The following CHRNA4 variants were observed in gnomAD, a reference collection of about 807,000 sequenced individuals.
CHRNA4 encodes cholinergic receptor nicotinic alpha 4 subunit, also known as neuronal acetylcholine receptor subunit alpha-4.
CHRNA4 carries 28 observed loss-of-function variants against 48.9 expected under a neutral mutation model. The observed-to-expected ratio is 0.57, with a 90% CI of 0.42 to 0.79. The LOEUF is 0.79. Ranked by LOEUF, CHRNA4 falls within the 30% of genes least tolerant of loss-of-function variation. The pLI, the probability that CHRNA4 is intolerant of heterozygous loss-of-function variation, is 0.00. For missense variants in CHRNA4, 859 were observed against 898.4 expected, an observed-to-expected ratio of 0.96 and a Z score of 0.56; for synonymous variants, 425 against 402.3, an observed-to-expected ratio of 1.06 and a Z score of -0.68.
intron 5 of CHRNA4, 94 bp downstream of exon 5, chr20:63,349,559 G>A: frequency 2.6e-6 from 4 of 1,522,428 alleles, no homozygotes; most frequent in Non-Finnish European, 3.6e-6. Flanking sequence ...CCTGAGGCCT[G>A]GGCCCGGCTC....
intron 2 of CHRNA4, among the ~76,000 whole-genome samples, chr20:63,358,951 C>T (rs2068759099): frequency 6.6e-6 from 1 of 150,950 alleles, no homozygotes; most frequent in Non-Finnish European, 1.5e-5. Context: ...TCCTATCCTG[C>T]CTTGGGGCTC....
chr20:63,356,461 T>C lies in CHRNA4; in HGVS notation c.229-46A>G. 5.1e-6 allele frequency: 8 copies of C among 1,557,222 alleles called. No individual in the cohort carries two copies. In the South Asian group the frequency reaches 9.4e-5, roughly 18 times the overall value. ...GGGGGCCAGTGACCCCTTGGTGTCTTTCTCTGGCCCTAGGTTTCCTCATCT... is the reference window on the plus strand; with the variant it reads ...GGGGGCCAGTGACCCCTTGGTGTCTCTCTCTGGCCCTAGGTTTCCTCATCT... On this transcript the variant is annotated intron_variant, in intron 2 of 5. Transcript: ENST00000370263.
intron 4 of CHRNA4, chr20:63,355,319 A>C: frequency 2.7e-6 from 1 of 370,908 alleles, no homozygotes; most frequent in South Asian, 2.1e-5. Context: ...AGGCACAGAA[A>C]ACCCGTTTCC....
At chr20:63,349,517 G>A (rs1317569265) in intron 5 of CHRNA4, 136 bp downstream of exon 5, 6 of 1,148,180 alleles carry the variant, frequency 5.2e-6, no homozygotes, top group Non-Finnish European at 7.7e-6. Context: ...TGCTGCAGCA[G>A]GGGCCACGCC....
At chr20:63,349,302 G>A (rs1313509929) in intron 5 of CHRNA4, among the ~76,000 whole-genome samples, 1 of 152,218 alleles carries the variant, frequency 6.6e-6, no homozygotes, top group Non-Finnish European at 1.5e-5. Context: ...CTGGGGACTT[G>A]GCCATTGCTG....
In CHRNA4 at chr20:63,349,882, A is replaced by G. The variant is rs750780084; in HGVS notation, c.1529T>C (p.Leu510Pro). The G allele has an allele frequency of 6.3e-7, 1 of 1,593,510 alleles. No individual in the cohort carries two copies. Among genetic ancestry groups the G allele is most frequent in the Non-Finnish European group, 8.6e-7 (1 of 1,168,376 alleles). ...PEADGQAAGA[L>P]ASRNTHSAEL... ...AGCCGAGTGGGTGTTGCGAGAGGCCAGGGCGCCGGCAGCCTGGCCATCTGC... is the reference window on the plus strand; with the variant it reads ...AGCCGAGTGGGTGTTGCGAGAGGCCGGGGCGCCGGCAGCCTGGCCATCTGC... Residue 510 changes from leucine (L) to proline (P), a missense_variant, in exon 5 of 6, where the codon CTG (leucine) becomes CCG (proline). By Grantham distance (98) the Leu-to-Pro change is moderately conservative (BLOSUM62 -3). This residue lies in a region of CHRNA4 where 478 missense variants were observed against 455.4 expected (regional missense o/e 1.05). Coordinates refer to ENST00000370263, the MANE Select transcript of CHRNA4 (RefSeq NM_000744.7).
chr20:63,359,086 C>T (rs1314009390), intron 2 of CHRNA4, among the ~76,000 whole-genome samples: 1 of 152,234 alleles, frequency 6.6e-6, no homozygotes, highest in Admixed American at 6.5e-5. Context: ...AAGACTCCCC[C>T]AAACCCCACA....
chr20:63,344,398 A>G lies in CHRNA4; in HGVS notation c.*2340T>C, dbSNP rs2068452136. Reference sequence around the variant, plus strand: ...TATGTAAATTTTACCTTAATTAATAAAAACAGCACTGGACGCAAATACGCC... The same window carrying G: ...TATGTAAATTTTACCTTAATTAATAGAAACAGCACTGGACGCAAATACGCC... On this transcript the variant is annotated 3_prime_UTR_variant, in exon 6 of 6. Coordinates refer to ENST00000370263, the MANE Select transcript of CHRNA4 (RefSeq NM_000744.7). The surrounding 1 kb of genome is among the most constrained non-coding windows in gnomAD (Gnocchi z 4.5). 2 of 454,062 alleles carry G rather than the reference A, an allele frequency of 4.4e-6. No individual in the cohort carries two copies. The highest frequency in any genetic ancestry group is 8.8e-6 in the Non-Finnish European group (2 of 226,784). The allele number at this position is 454,062 out of a possible 1,614,324, so 28.1% of individuals were successfully genotyped here.
At chr20:63,353,714 G>A in intron 4 of CHRNA4, among the ~76,000 whole-genome samples, 1 of 60,386 alleles carries the variant, frequency 1.7e-5, no homozygotes, top group Non-Finnish European at 3.3e-5. Context: ...GGGGGCTGCG[G>A]TCCTGGGGGG....
intron 5 of CHRNA4, 32 bp from the exon 6 acceptor site, chr20:63,346,895 G>T: frequency 6.2e-7 from 1 of 1,611,180 alleles, no homozygotes. Flanking sequence ...CTCCAGCACG[G>T]CCCGGCCGCC....
intron 2 of CHRNA4, among the ~76,000 whole-genome samples, chr20:63,357,161 A>ACTGAC: frequency 8.6e-5 from 1 of 11,634 alleles, no homozygotes; most frequent in African/African-American, 1.7e-4. Flanking sequence ...CCACGTCTCC[A>ACTGAC]CAGGACCACA....
At chr20:63,355,778 C>A in intron 4 of CHRNA4, 197 bp downstream of exon 4, 1 of 855,332 alleles carries the variant, frequency 1.2e-6, no homozygotes, top group South Asian at 1.6e-5. Context: ...GGGACCCTTC[C>A]CTCCTCAACC....
At chr20:63,347,975 G>A (rs963471114) in intron 5 of CHRNA4, among the ~76,000 whole-genome samples, 10 of 152,226 alleles carry the variant, frequency 6.6e-5, no homozygotes, top group East Asian at 1.9e-4. Context: ...CCCAGGCCTC[G>A]GCTCTGGGGG....
At position 63,343,313 on chromosome 20, in the gene CHRNA4, GCCGCA is replaced by G; in HGVS notation, c.*3420_*3424del. 2.2e-6 allele frequency: 1 copy of G among 446,878 alleles called. No individual in the cohort carries two copies. Among genetic ancestry groups the G allele is most frequent in the South Asian group, 1.6e-5 (1 of 64,314 alleles). The allele number at this position is 446,878 out of a possible 1,614,324, so 27.7% of individuals were successfully genotyped here. A position where few individuals can be genotyped will look rare whatever the true frequency, so the allele number is the denominator to read the frequency against. On this transcript the variant is annotated 3_prime_UTR_variant, in exon 6 of 6. Coordinates refer to ENST00000370263, the MANE Select transcript of CHRNA4 (RefSeq NM_000744.7). ...AGACATTGCCTGCAGAAGCCGGGCG[GCCGCA>G]CCTGGGCTCGGCGGGCCACACGGTC...
Position 63,356,373 on chromosome 20 carries a change from G to C in CHRNA4, c.271C>G (p.Gln91Glu). Residue 91 changes from glutamine to glutamate, a missense_variant and splice_region_variant, in exon 3 of 6, where the codon CAG becomes GAG. Gln to Glu is a conservative substitution (Grantham distance 29). Coordinates refer to ENST00000370263, the MANE Select transcript of CHRNA4 (RefSeq NM_000744.7). The stretch of plus-strand genomic sequence containing the variant: ...CAGGGCAGTGCCCTCCCACTCACCT[G>C]CTTCACCCATACGTTCGTGGTCATC... ...QMMTTNVWVK[Q>E]EWHDYKLRWD... The C allele has an allele frequency of 6.3e-7, 1 of 1,593,732 alleles. No homozygotes were observed. The highest frequency in any genetic ancestry group is 8.5e-7 in the Non-Finnish European group (1 of 1,170,644).
In CHRNA4 at chr20:63,349,750, G is replaced by A. The variant is rs56000199; in HGVS notation, c.1661C>T (p.Pro554Leu). 79 of 1,612,174 alleles carry A rather than the reference G, an allele frequency of 4.9e-5. 1 individual carries two copies. Among genetic ancestry groups the A allele is most frequent in the South Asian group, 3.7e-4 (34 of 91,032 alleles). Residue 554 changes from proline (P) to leucine (L), a missense_variant, in exon 5 of 6, where the codon CCG becomes CTG. By Grantham distance (98) the Pro-to-Leu change is moderately conservative (BLOSUM62 -3). This residue lies in a region of CHRNA4 where 478 missense variants were observed against 455.4 expected (regional missense o/e 1.05). Transcript: ENST00000370263. Reference protein sequence around the residue: ...ATVKTRSTKAPPPHLPLSPAL... With the variant: ...ATVKTRSTKALPPHLPLSPAL... ...CGGCGACAGGGGCAGGTGCGGGGGC[G>A]GCGCTTTGGTGCTGCGGGTCTTGAC... is the stretch of plus-strand genomic sequence containing the variant.
At chr20:63,360,878 C>A (rs1352899897) in intron 1 of CHRNA4, 5 of 425,066 alleles carry the variant, frequency 1.2e-5, no homozygotes, top group African/African-American at 1.0e-4. Context: ...CCCAGCCCTC[C>A]GCATTCGCCG....
chr20:63,343,885 G>C lies in CHRNA4; in HGVS notation c.*2853C>G. The C allele has an allele frequency of 2.2e-6, 1 of 454,174 alleles. No homozygotes were observed. Among genetic ancestry groups the C allele is most frequent in the African/African-American group, 2.0e-5 (1 of 50,142 alleles). The allele number at this position is 454,174 out of a possible 1,614,324, so 28.1% of individuals were successfully genotyped here. ...GGGGGTCACAGCCCTGGCAAGGTGG[G>C]TTCTAGGCAAGCTGTCCACCCCCGG... On this transcript the variant is annotated 3_prime_UTR_variant, in exon 6 of 6. Coordinates refer to ENST00000370263, the MANE Select transcript of CHRNA4 (RefSeq NM_000744.7).
At chr20:63,355,409 C>T (rs1456786597) in intron 4 of CHRNA4, 8 of 840,054 alleles carry the variant, frequency 9.5e-6, no homozygotes, top group African/African-American at 1.8e-5. Context: ...TTGCTGGGGA[C>T]CTGGCGTGAC....
Sources: gnomAD v4.1 joint callset for allele counts (sites outside exome capture counted in the v4.1 genomes callset) on GRCh38, gnomAD v4.1.1 for gene constraint, gnomAD v4.1.1 regional missense constraint, Gnocchi (gnomAD v3.1) non-coding constraint, MANE v1.5 for transcripts, NCBI Gene and HGNC (gene_info 2026-07-23, HGNC 2026-07-21) for gene names.